RGS6: variants seen among roughly 807,000 people sequenced by gnomAD.
RGS6 encodes regulator of G-protein signaling 6.
Under a neutral mutation model 78.5 loss-of-function variants are expected in RGS6, and 30 were observed. The observed-to-expected ratio is 0.38, with a 90% CI of 0.29 to 0.52. The LOEUF (loss-of-function observed/expected upper bound fraction) is 0.52, where lower values mean the gene tolerates loss of function less well. Among genes scored for constraint, RGS6 ranks in the 20% least tolerant of loss-of-function variants. The pLI is 0.85. For synonymous variants in RGS6, 206 were observed against 206.0 expected (o/e 1.00, Z 0.00); for missense variants, 495 against 609.7 (o/e 0.81, Z 1.98).
intron 14 of RGS6, among the ~76,000 whole-genome samples, chr14:72,515,244 T>C (rs2096926519): frequency 6.7e-6 from 1 of 149,572 alleles, no homozygotes; most frequent in South Asian, 2.2e-4. Context: ...TCCCCCTCCT[T>C]CCCTCCCTTT....
At chr14:72,574,625 A>G in the RGS6 span, among the ~76,000 whole-genome samples, 1 of 152,248 alleles carries the variant, frequency 6.6e-6, no homozygotes, top group Non-Finnish European at 1.5e-5. Flanking sequence ...CTCGAAGACC[A>G]CACCTTCTAG....
At chr14:72,623,897 A>G in the RGS6 span, among the ~76,000 whole-genome samples, 2 of 152,304 alleles carry the variant, frequency 1.3e-5, no homozygotes, top group East Asian at 3.9e-4. Flanking sequence ...TCTGGAGCAT[A>G]AAATGTATAA....
At chr14:72,262,685 C>T (rs2058371161) in intron 2 of RGS6, among the ~76,000 whole-genome samples, 1 of 152,172 alleles carries the variant, frequency 6.6e-6, no homozygotes, top group Non-Finnish European at 1.5e-5. Context: ...GTTTATTCTC[C>T]AAATTTAAGA....
At chr14:71,937,101 C>T (rs964891344) in intron 1 of RGS6, among the ~76,000 whole-genome samples, 2 of 152,168 alleles carry the variant, frequency 1.3e-5, no homozygotes, top group African/African-American at 4.8e-5. Flanking sequence ...TCTTCCTTAC[C>T]TCTGCTGTGG....
intron 17 of RGS6, chr14:72,547,195 A>G (rs1598984625): frequency 1.3e-6 from 2 of 1,535,162 alleles, no homozygotes; most frequent in African/African-American, 2.7e-5. Context: ...GAGCAGCAGC[A>G]CCGCAGCAGA....
the RGS6 span, among the ~76,000 whole-genome samples, chr14:72,614,775 C>CCGAAAAAAAAAA: frequency 3.9e-5 from 1 of 25,762 alleles, no homozygotes; most frequent in Non-Finnish European, 6.5e-5. Context: ...TCACAAGCCT[C>CCGAAAAAAAAAA]AGAAAAAAAA....
intron 15 of RGS6, among the ~76,000 whole-genome samples, chr14:72,533,355 G>A (rs1266749391): frequency 1.3e-5 from 2 of 152,190 alleles, no homozygotes; most frequent in Non-Finnish European, 2.9e-5. Context: ...GCTGTTCATT[G>A]ACAATGCACC....
At chr14:72,208,990 A>G (rs576539321) in intron 2 of RGS6, among the ~76,000 whole-genome samples, 89 of 152,250 alleles carry the variant, frequency 5.8e-4, no homozygotes, top group African/African-American at 1.8e-3. Context: ...GGTGGCACAC[A>G]CCTGTAATCC....
chr14:72,412,267 G>C (rs2093475296), intron 3 of RGS6, among the ~76,000 whole-genome samples: 1 of 152,196 alleles, frequency 6.6e-6, no homozygotes, highest in Admixed American at 6.5e-5. Context: ...TCTATTCAGA[G>C]ATTCAACTTC....
At chr14:72,246,497 G>T (rs1252234632) in intron 2 of RGS6, among the ~76,000 whole-genome samples, 1 of 152,116 alleles carries the variant, frequency 6.6e-6, no homozygotes, top group African/African-American at 2.4e-5. Context: ...CCATTACTTT[G>T]TTTCCTTTTT....
chr14:71,959,338 A>G (rs1220539268), intron 1 of RGS6, among the ~76,000 whole-genome samples: 2 of 152,198 alleles, frequency 1.3e-5, no homozygotes, highest in Non-Finnish European at 2.9e-5. Context: ...CAGAAAAAAA[A>G]AATCCATTGG....
chr14:72,520,970 A>C (rs937793829), intron 15 of RGS6, among the ~76,000 whole-genome samples: 1 of 152,182 alleles, frequency 6.6e-6, no homozygotes, highest in African/African-American at 2.4e-5. Context: ...GATTCCTCTT[A>C]GTGAGAAATG....
chr14:72,133,698 C>G (rs1230492829), intron 2 of RGS6, among the ~76,000 whole-genome samples: 1 of 152,082 alleles, frequency 6.6e-6, no homozygotes, highest in Non-Finnish European at 1.5e-5. Context: ...TTGTGACTGC[C>G]TCTTCCTCCA....
chr14:72,272,725 A>C (rs2060124147), intron 2 of RGS6, among the ~76,000 whole-genome samples: 1 of 152,224 alleles, frequency 6.6e-6, no homozygotes, highest in African/African-American at 2.4e-5. Flanking sequence ...CTACATTGGA[A>C]ATTATGCCAA....
intron 3 of RGS6, among the ~76,000 whole-genome samples, chr14:72,380,359 A>G (rs541648737): frequency 6.6e-6 from 1 of 152,196 alleles, no homozygotes; most frequent in African/African-American, 2.4e-5. Context: ...ACAGTAAAGG[A>G]AACAAGAATG....
At chr14:72,422,640 G>A (rs1277697775) in intron 3 of RGS6, among the ~76,000 whole-genome samples, 1 of 152,276 alleles carries the variant, frequency 6.6e-6, no homozygotes, top group African/African-American at 2.4e-5. Flanking sequence ...CCAAGATTGG[G>A]GAGTGGGTGC....
At chr14:72,016,466 C>T (rs1328306528) in intron 2 of RGS6, among the ~76,000 whole-genome samples, 6 of 152,108 alleles carry the variant, frequency 3.9e-5, no homozygotes, top group African/African-American at 7.2e-5. Context: ...CGCGGGTTCA[C>T]GCCATTCTCC....
At chr14:72,058,992 C>CT (rs1227125491) in intron 2 of RGS6, among the ~76,000 whole-genome samples, 2 of 152,144 alleles carry the variant, frequency 1.3e-5, no homozygotes, top group East Asian at 3.8e-4. Flanking sequence ...CAACCTCTAC[C>CT]TCCTGGGCTC....
At chr14:72,556,654 A>AT (rs1447969029) in intron 17 of RGS6, among the ~76,000 whole-genome samples, 1 of 118,150 alleles carries the variant, frequency 8.5e-6, no homozygotes, top group African/African-American at 3.3e-5. Flanking sequence ...CTGAGTCTTT[A>AT]TACCACTGTA....
Sources: allele counts gnomAD v4.1 joint callset (sites outside exome capture counted in the v4.1 genomes callset), GRCh38; gene constraint gnomAD v4.1.1; transcripts MANE v1.5; gene names NCBI Gene and HGNC (gene_info 2026-07-23, HGNC 2026-07-21).